Variants in NKAIN2 observed in about 807,000 individuals in gnomAD.
The protein encoded by NKAIN2 is sodium/potassium-transporting ATPase subunit beta-1-interacting protein 2.
A neutral mutation model predicts 32.6 loss-of-function variants in NKAIN2; 14 were observed. The ratio of observed to expected loss-of-function variants is 0.43; its 90% CI spans 0.28 to 0.67. The LOEUF (loss-of-function observed/expected upper bound fraction) is 0.67, where lower values mean the gene tolerates loss of function less well. NKAIN2 is among the 30% of genes least tolerant of loss of function. The pLI is 0.17. For synonymous variants in NKAIN2, 80 were observed against 87.2 expected (o/e 0.92, Z 0.46); for missense variants, 198 against 258.3 (o/e 0.77, Z 1.60).
intron 3 of NKAIN2, among the ~76,000 whole-genome samples, chr6:124,408,562 G>C (rs1468331272): frequency 6.6e-6 from 1 of 152,166 alleles, no homozygotes; most frequent in Non-Finnish European, 1.5e-5. Context: ...CTATATGTCT[G>C]TTTTGGTACC....
At chr6:123,994,641 C>T (rs1779544195) in intron 1 of NKAIN2, among the ~76,000 whole-genome samples, 1 of 152,248 alleles carries the variant, frequency 6.6e-6, no homozygotes, top group Non-Finnish European at 1.5e-5. Context: ...ATAAGCTTCA[C>T]CCAAGTCAGC....
chr6:124,730,880 C>T (rs1188346440), intron 4 of NKAIN2, among the ~76,000 whole-genome samples: 4 of 137,948 alleles, frequency 2.9e-5, no homozygotes, highest in African/African-American at 1.1e-4. Flanking sequence ...AACAAACAAC[C>T]CCATCAAAAA....
At chr6:124,718,503 C>T (rs1254119376) in intron 4 of NKAIN2, among the ~76,000 whole-genome samples, 1 of 152,180 alleles carries the variant, frequency 6.6e-6, no homozygotes, top group Non-Finnish European at 1.5e-5. Context: ...GGGTTACTCC[C>T]ACTTTTTGTC....
At chr6:124,707,161 G>A (rs1195788084) in intron 4 of NKAIN2, among the ~76,000 whole-genome samples, 1 of 152,052 alleles carries the variant, frequency 6.6e-6, no homozygotes, top group Non-Finnish European at 1.5e-5. Flanking sequence ...CCCTACAAAG[G>A]ACATGAACTC....
At position 124,503,183 on chromosome 6, in the gene NKAIN2, TAATA is replaced by T. The variant is rs1433134821; in HGVS notation, c.273+147840_273+147843del. 1.8e-4 allele frequency among the ~76,000 whole-genome samples: 27 copies of T among 152,142 alleles called. No homozygotes were observed. In the East Asian group the frequency reaches 4.6e-3, roughly 26 times the overall value. On this transcript the variant is annotated intron_variant, in intron 3 of 6. Coordinates refer to ENST00000368417, the MANE Select transcript of NKAIN2 (RefSeq NM_001040214.3). The stretch of plus-strand genomic sequence containing the variant: ...TTGTTACTAATTTTAATGAGGCATT[TAATA>T]AATTATAACTTTTAACTAATATTTG...
At chr6:123,837,661 C>T (rs895733098) in intron 1 of NKAIN2, among the ~76,000 whole-genome samples, 1 of 152,100 alleles carries the variant, frequency 6.6e-6, no homozygotes, top group African/African-American at 2.4e-5. Flanking sequence ...CAAAAATTTT[C>T]CTTGGCCTAT....
chr6:124,627,253 G>C lies in NKAIN2; in HGVS notation c.274-30933G>C, dbSNP rs140700546. On this transcript the variant is annotated intron_variant, in intron 3 of 6. Coordinates refer to ENST00000368417, the MANE Select transcript of NKAIN2 (RefSeq NM_001040214.3). ...TCACTGCACTCCAGCCTGGGTGACAGAGCAAGACACGGTCTCAAAAAAAAA... is the reference window on the plus strand; with the variant it reads ...TCACTGCACTCCAGCCTGGGTGACACAGCAAGACACGGTCTCAAAAAAAAA... 6.2e-3 allele frequency among the ~76,000 whole-genome samples: 942 copies of C among 152,162 alleles called. 12 individuals are homozygous for C. Among genetic ancestry groups the C allele is most frequent in the African/African-American group, 0.021 (888 of 41,510 alleles).
At chr6:124,150,105 G>C (rs1787629813) in intron 1 of NKAIN2, among the ~76,000 whole-genome samples, 1 of 152,080 alleles carries the variant, frequency 6.6e-6, no homozygotes, top group Non-Finnish European at 1.5e-5. Flanking sequence ...GGTGTCTTCA[G>C]CTATTCTCCC....
chr6:124,218,499 A>G (rs1791606692), intron 1 of NKAIN2, among the ~76,000 whole-genome samples: 1 of 152,182 alleles, frequency 6.6e-6, no homozygotes, highest in South Asian at 2.1e-4. Context: ...CACCTATTTC[A>G]TGAACATTCA....
intron 1 of NKAIN2, among the ~76,000 whole-genome samples, chr6:123,974,027 A>C (rs989470031): frequency 6.6e-6 from 1 of 152,202 alleles, no homozygotes; most frequent in Non-Finnish European, 1.5e-5. Context: ...AGAAGAAAGA[A>C]AAGTGAAAAT....
intron 1 of NKAIN2, among the ~76,000 whole-genome samples, chr6:123,904,085 G>A (rs2114426932): frequency 6.6e-6 from 1 of 152,138 alleles, no homozygotes. Context: ...AAAAAATTCA[G>A]CCAGACGTGG....
intron 1 of NKAIN2, among the ~76,000 whole-genome samples, chr6:124,153,435 T>A (rs1040861245): frequency 6.6e-6 from 1 of 151,826 alleles, no homozygotes; most frequent in Non-Finnish European, 1.5e-5. Flanking sequence ...GGAATAGCAT[T>A]GAATTTATAG....
In NKAIN2 at chr6:124,805,865, A is replaced by G. The variant is rs1219514536; in HGVS notation, c.536-12522A>G. Among the ~76,000 whole-genome samples the G allele has an allele frequency of 7.9e-5, 12 of 152,356 alleles. No individual in the cohort carries two copies. In the East Asian group the frequency reaches 1.5e-3, roughly 20 times the overall value. On this transcript the variant is annotated intron_variant, in intron 5 of 6. Coordinates refer to ENST00000368417, the MANE Select transcript of NKAIN2 (RefSeq NM_001040214.3). ...ATGCAGAAGCCTCAGGAGCTGATGCAATCAACTGGAAGAAAGGGTATCAGC... is the reference window on the plus strand; with the variant it reads ...ATGCAGAAGCCTCAGGAGCTGATGCGATCAACTGGAAGAAAGGGTATCAGC...
intron 1 of NKAIN2, among the ~76,000 whole-genome samples, chr6:124,258,209 TG>T (rs889162658): frequency 1.3e-5 from 2 of 151,664 alleles, no homozygotes; most frequent in Non-Finnish European, 2.9e-5. Flanking sequence ...AGTTGCTGAG[TG>T]GCAAAGCTGG....
intron 3 of NKAIN2, among the ~76,000 whole-genome samples, chr6:124,627,814 C>G (rs548239980): frequency 8.5e-5 from 13 of 152,088 alleles, no homozygotes; most frequent in South Asian, 2.1e-4. Context: ...ACCTCACCAC[C>G]CCCACGGCGA....
intron 1 of NKAIN2, among the ~76,000 whole-genome samples, chr6:124,204,849 A>C (rs553953935): frequency 6.6e-6 from 1 of 151,700 alleles, no homozygotes; most frequent in African/African-American, 2.4e-5. Context: ...CAGTGAGTAC[A>C]GTTTCTTAGC....
At chr6:124,383,640 C>T (rs1772751069) in intron 3 of NKAIN2, among the ~76,000 whole-genome samples, 1 of 152,188 alleles carries the variant, frequency 6.6e-6, no homozygotes, top group Non-Finnish European at 1.5e-5. Context: ...CATTTACACA[C>T]ACACTCAGCT....
rs981401104 is a variant in NKAIN2 at position 124,010,565 on chromosome 6, T to C, written c.54+206311T>C. On this transcript the variant is annotated intron_variant, in intron 1 of 6. Transcript: ENST00000368417. ...TATGCCCTAATGTCATAGCTAGGAG[T>C]GTGACCTGGGCTCAAACACTGGCTT... is the stretch of plus-strand genomic sequence containing the variant. Among the ~76,000 whole-genome samples the C allele has an allele frequency of 2.7e-5, 4 of 150,286 alleles. No individual in the cohort carries two copies. The East Asian group carries it at 7.8e-4, about 29-fold the overall frequency.
At chr6:124,783,251 G>C (rs1046639480) in intron 4 of NKAIN2, among the ~76,000 whole-genome samples, 10 of 152,132 alleles carry the variant, frequency 6.6e-5, no homozygotes, top group African/African-American at 2.4e-4. Context: ...TTTTTGATAA[G>C]TTTGGACTGA....
Sources: allele counts gnomAD v4.1 joint callset (sites outside exome capture counted in the v4.1 genomes callset), GRCh38; gene constraint gnomAD v4.1.1; transcripts MANE v1.5; gene names NCBI Gene and HGNC (gene_info 2026-07-23, HGNC 2026-07-21).